The following AGPAT5 variants were observed in gnomAD, a reference collection of about 807,000 sequenced individuals.
The protein encoded by AGPAT5 is 1-acylglycerol-3-phosphate O-acyltransferase 5, also known as 1-acyl-sn-glycerol-3-phosphate acyltransferase epsilon.
AGPAT5 carries 46 observed loss-of-function variants against 45.6 expected under a neutral mutation model. That is an observed-to-expected ratio of 1.01 (90% CI 0.80 to 1.29). The LOEUF is 1.29. Among genes scored for constraint, AGPAT5 ranks in the 50% most tolerant of loss-of-function variants. AGPAT5 has a pLI of 0.00. For missense variants in AGPAT5, 673 were observed against 450.7 expected (o/e 1.49, Z -4.47); for synonymous variants, 272 against 167.0 (o/e 1.63, Z -4.85).
Position 6,760,838 on chromosome 8 carries a change from G to A in AGPAT5, c.*3450G>A. 6.6e-6 allele frequency among the ~76,000 whole-genome samples: 1 copy of A among 152,088 alleles called. No individual in the cohort carries two copies. The highest frequency in any genetic ancestry group is 1.5e-5 in the Non-Finnish European group (1 of 68,006). The stretch of plus-strand genomic sequence containing the variant: ...CATTAGAATCAAAATTAGTACTTTG[G>A]TCAAAATATTTACAACATTCACATA... On this transcript the variant is annotated 3_prime_UTR_variant, in exon 8 of 8. Transcript: ENST00000285518.
At position 6,747,657 on chromosome 8, in the gene AGPAT5, A is replaced by T. The variant is rs1250335931; in HGVS notation, c.587-13A>T. ...TTGTAACTAATTAATGACGGCACTG[A>T]ATTGACTTCTAGGCCTTGCAGTATT... On this transcript the variant is annotated splice_polypyrimidine_tract_variant and intron_variant, in intron 5 of 7. Transcript: ENST00000285518. 1 of 1,605,654 alleles carries T rather than the reference A, an allele frequency of 6.2e-7. No homozygotes were observed. The highest frequency in any genetic ancestry group is 1.3e-5 in the African/African-American group (1 of 74,712).
chr8:6,754,607 G>A (rs1487788390), intron 6 of AGPAT5, among the ~76,000 whole-genome samples: 1 of 152,162 alleles, frequency 6.6e-6, no homozygotes, highest in African/African-American at 2.4e-5. Context: ...CCCCTGTGGA[G>A]CTCGCAGTCT....
At chr8:6,711,164 C>T (rs1211945563) in intron 1 of AGPAT5, among the ~76,000 whole-genome samples, 2 of 152,132 alleles carry the variant, frequency 1.3e-5, no homozygotes, top group Admixed American at 6.5e-5. Flanking sequence ...GTAGTTCTTG[C>T]AGAAGAATAT....
At chr8:6,711,829 G>A (rs1341691466) in intron 1 of AGPAT5, among the ~76,000 whole-genome samples, 2 of 152,144 alleles carry the variant, frequency 1.3e-5, no homozygotes, top group African/African-American at 4.8e-5. Flanking sequence ...AGTCCTTGCT[G>A]CCACCTCTTC....
intron 4 of AGPAT5, among the ~76,000 whole-genome samples, chr8:6,740,894 C>G (rs1003419559): frequency 2.0e-5 from 3 of 152,212 alleles, no homozygotes; most frequent in East Asian, 3.9e-4. Flanking sequence ...GTGTGCATAA[C>G]TTATTTTTGT....
chr8:6,751,008 C>G lies in AGPAT5; in HGVS notation c.745+3180C>G, dbSNP rs148497085. The stretch of plus-strand genomic sequence containing the variant: ...TTCCTTCTAGTGTGTTGCTTTTAAC[C>G]TGTAGCTTGAAAAAACTCTGCTTTC... On this transcript the variant is annotated intron_variant, in intron 6 of 7. Coordinates refer to ENST00000285518, the MANE Select transcript of AGPAT5 (RefSeq NM_018361.5). 3.9e-5 allele frequency among the ~76,000 whole-genome samples: 6 copies of G among 152,122 alleles called. No homozygotes were observed. The East Asian group carries it at 1.2e-3, about 29-fold the overall frequency.
chr8:6,732,346 A>C (rs1465412125), intron 3 of AGPAT5, among the ~76,000 whole-genome samples: 2 of 152,230 alleles, frequency 1.3e-5, no homozygotes, highest in African/African-American at 4.8e-5. Flanking sequence ...TTTCCAATAC[A>C]GTGTCACATG....
In AGPAT5 at chr8:6,760,290, C is replaced by T. The variant is rs555391790; in HGVS notation, c.*2902C>T. On this transcript the variant is annotated 3_prime_UTR_variant, in exon 8 of 8. Coordinates refer to ENST00000285518, the MANE Select transcript of AGPAT5 (RefSeq NM_018361.5). ...CACTGAGTAGTTTGTCCCAGCTACT[C>T]GGGAGGGTGAGGTGGGAGGATCGCT... Among the ~76,000 whole-genome samples the T allele has an allele frequency of 4.6e-5, 7 of 152,014 alleles. No individual in the cohort carries two copies. Among genetic ancestry groups the T allele is most frequent in the Admixed American group, 2.0e-4 (3 of 15,244 alleles).
In AGPAT5 at chr8:6,708,662, T is replaced by C. The variant is rs1265492567; in HGVS notation, c.-7T>C. ...CAGGCGGAGCTCGCTGCCGCCGAGC[T>C]GAGAAGATGCTGCTGTCCCTGGTGC... is the stretch of plus-strand genomic sequence containing the variant. On this transcript the variant is annotated 5_prime_UTR_variant, in exon 1 of 8. Transcript: ENST00000285518. 3 of 1,555,066 alleles carry C rather than the reference T, an allele frequency of 1.9e-6. No homozygotes were observed. Among genetic ancestry groups the C allele is most frequent in the Non-Finnish European group, 1.7e-6 (2 of 1,157,040 alleles).
At chr8:6,755,537 G>A (rs1220429714) in intron 7 of AGPAT5, among the ~76,000 whole-genome samples, 1 of 152,208 alleles carries the variant, frequency 6.6e-6, no homozygotes, top group Non-Finnish European at 1.5e-5. Flanking sequence ...TCTGGCTGTT[G>A]GGCCAGTGTG....
chr8:6,747,849 G>C, intron 6 of AGPAT5, 21 bp downstream of exon 6: 1 of 1,612,752 alleles, frequency 6.2e-7, no homozygotes, highest in Non-Finnish European at 8.5e-7. Flanking sequence ...TCACGCACCT[G>C]AAATGCCTGT....
intron 3 of AGPAT5, 88 bp from the exon 4 acceptor site, chr8:6,732,473 T>G: frequency 1.1e-6 from 1 of 934,222 alleles, no homozygotes. Flanking sequence ...CATTCTGTAC[T>G]TTTTGCAAGA....
rs117752441 is a variant in AGPAT5, at chr8:6,736,775, C to T, written c.495+4125C>T. On this transcript the variant is annotated intron_variant, in intron 4 of 7. Coordinates refer to ENST00000285518, the MANE Select transcript of AGPAT5 (RefSeq NM_018361.5). Reference sequence around the variant, plus strand: ...CAGTGCAGCCAGGGTTGCAGATGCACGTGAGACCTGCTCACCTCTCATTTA... The same window carrying T: ...CAGTGCAGCCAGGGTTGCAGATGCATGTGAGACCTGCTCACCTCTCATTTA... Among the ~76,000 whole-genome samples the T allele has an allele frequency of 8.2e-3, 1,245 of 152,306 alleles. 12 individuals carry two copies. The highest frequency in any genetic ancestry group is 0.013 in the Non-Finnish European group (879 of 68,028).
intron 2 of AGPAT5, among the ~76,000 whole-genome samples, chr8:6,727,760 G>A (rs997669647): frequency 1.3e-5 from 2 of 152,154 alleles, no homozygotes; most frequent in African/African-American, 4.8e-5. Context: ...CAGCATGCGT[G>A]GTGAGTAGAA....
intron 1 of AGPAT5, among the ~76,000 whole-genome samples, chr8:6,712,911 C>A (rs147903019): frequency 7.2e-5 from 11 of 152,194 alleles, no homozygotes; most frequent in Admixed American, 3.3e-4. Flanking sequence ...TAAAAAATTT[C>A]TTTTCCCCCA....
chr8:6,709,059 G>A (rs1182855960), intron 1 of AGPAT5, 172 bp downstream of exon 1: 3 of 740,060 alleles, frequency 4.1e-6, no homozygotes, highest in Admixed American at 2.0e-5. Context: ...CCGTTCTGCC[G>A]AGATCGCTCT....
At chr8:6,755,663 C>T (rs541956237) in intron 7 of AGPAT5, among the ~76,000 whole-genome samples, 22 of 152,318 alleles carry the variant, frequency 1.4e-4, no homozygotes, top group African/African-American at 5.3e-4. Flanking sequence ...AAAGTGTCTT[C>T]TGTGGTTAAT....
intron 6 of AGPAT5, among the ~76,000 whole-genome samples, chr8:6,754,803 T>TA (rs1801776814): frequency 6.6e-6 from 1 of 152,236 alleles, no homozygotes; most frequent in African/African-American, 2.4e-5. Flanking sequence ...ACTATTGATT[T>TA]AACTTAATGA....
chr8:6,741,052 C>A lies in AGPAT5; in HGVS notation c.496-609C>A, dbSNP rs188522901. ...TTAGACTAATTGATTACTTATTAAACGTCCAGCTTGATATTCTTCTTTATA... is the reference window on the plus strand; with the variant it reads ...TTAGACTAATTGATTACTTATTAAAAGTCCAGCTTGATATTCTTCTTTATA... On this transcript the variant is annotated intron_variant, in intron 4 of 7. Coordinates refer to ENST00000285518, the MANE Select transcript of AGPAT5 (RefSeq NM_018361.5). Among the ~76,000 whole-genome samples the A allele has an allele frequency of 4.6e-4, 70 of 152,206 alleles. 1 individual carries two copies. The East Asian group carries it at 0.013, about 29-fold the overall frequency.
Sources: allele counts gnomAD v4.1 joint callset (sites outside exome capture counted in the v4.1 genomes callset), GRCh38; gene constraint gnomAD v4.1.1; transcripts MANE v1.5; gene names NCBI Gene and HGNC (gene_info 2026-07-23, HGNC 2026-07-21).